Variants in PTPRD observed in about 807,000 individuals in gnomAD.
PTPRD encodes protein tyrosine phosphatase receptor type D.
PTPRD carries 34 observed loss-of-function variants against 214.5 expected under a neutral mutation model. That is an observed-to-expected ratio of 0.16 (90% confidence interval 0.12 to 0.21). The LOEUF (loss-of-function observed/expected upper bound fraction) is 0.21, where lower values mean the gene tolerates loss of function less well. Ranked by LOEUF, PTPRD falls within the 10% of genes least tolerant of loss-of-function variation. PTPRD has a pLI of 1.00. For missense variants in PTPRD, 2,545 were observed against 2,398.7 expected (o/e 1.06, Z -1.27); for synonymous variants, 1,128 against 845.7 (o/e 1.33, Z -5.79).
chr9:8,836,588 T>A (rs1454677972), intron 11 of PTPRD, among the ~76,000 whole-genome samples: 1 of 5,016 alleles, frequency 2.0e-4, no homozygotes, highest in South Asian at 3.7e-3. Context: ...AATAAAAACC[T>A]TTTTTTTTTT....
At chr9:8,933,076 G>A (rs369607294) in intron 11 of PTPRD, among the ~76,000 whole-genome samples, 24 of 152,124 alleles carry the variant, frequency 1.6e-4, no homozygotes, top group Non-Finnish European at 2.6e-4. Flanking sequence ...AGAGTGCACC[G>A]TTCCTCATGG....
In PTPRD at chr9:8,940,280, C is replaced by CCTTTGTTTTTT. The variant is rs763715400; in HGVS notation, c.-104+78416_-104+78417insAAAAAACAAAG. Among the ~76,000 whole-genome samples, 18 of 89,050 alleles carry CCTTTGTTTTTT rather than the reference C, an allele frequency of 2.0e-4. 1 individual carries two copies. Among genetic ancestry groups the CCTTTGTTTTTT allele is most frequent in the South Asian group, 4.4e-4 (1 of 2,286 alleles). 58.4% of individuals were successfully genotyped at this position (89,050 alleles called of 152,430 possible). On this transcript the variant is annotated intron_variant, in intron 11 of 45. Transcript: ENST00000381196. The stretch of plus-strand genomic sequence containing the variant: ...TCACACATCTCTCTCTCTCTCTCTC[C>CCTTTGTTTTTT]TTTTTTTTTTTTTTTTTTTTGAGAT...
At chr9:10,300,943 A>G (rs2095845214) in intron 3 of PTPRD, among the ~76,000 whole-genome samples, 1 of 152,082 alleles carries the variant, frequency 6.6e-6, no homozygotes, top group Non-Finnish European at 1.5e-5. Flanking sequence ...CCTCAAGTGG[A>G]TCATTGACCC....
At chr9:9,412,303 T>C (rs2075702137) in intron 8 of PTPRD, among the ~76,000 whole-genome samples, 1 of 152,180 alleles carries the variant, frequency 6.6e-6, no homozygotes. Context: ...AAGTGTAATA[T>C]GATACCACAC....
At chr9:10,052,403 G>C (rs185876899) in intron 3 of PTPRD, among the ~76,000 whole-genome samples, 1 of 152,262 alleles carries the variant, frequency 6.6e-6, no homozygotes, top group East Asian at 1.9e-4. Flanking sequence ...AGTTGGAATT[G>C]TGTCATTCCC....
intron 4 of PTPRD, among the ~76,000 whole-genome samples, chr9:9,941,725 A>G (rs1038996752): frequency 1.3e-5 from 2 of 152,176 alleles, no homozygotes; most frequent in Non-Finnish European, 2.9e-5. Flanking sequence ...CAACTGGTGC[A>G]TGGTGGAGAG....
rs1352152879 is a variant in PTPRD, at chr9:9,178,090, T to C, written c.-143+5214A>G. On this transcript the variant is annotated intron_variant, in intron 10 of 45. Transcript: ENST00000381196. ...ACTAAGGATAAAAAAGGCAGGTAGCTTTTGTATCAATATAAGGAAGACTTT... is the reference window on the plus strand; with the variant it reads ...ACTAAGGATAAAAAAGGCAGGTAGCCTTTGTATCAATATAAGGAAGACTTT... Among the ~76,000 whole-genome samples, 6 of 152,236 alleles carry C rather than the reference T, an allele frequency of 3.9e-5. 1 individual carries two copies. Among genetic ancestry groups the C allele is most frequent in the African/African-American group, 9.6e-5 (4 of 41,558 alleles).
chr9:9,398,174 A>ATTGTTT (rs1555353175), intron 8 of PTPRD, among the ~76,000 whole-genome samples: 2 of 146,338 alleles, frequency 1.4e-5, no homozygotes, highest in African/African-American at 2.5e-5. Flanking sequence ...CTGCCTCAAT[A>ATTGTTT]TTTTTTTCTA....
At chr9:10,166,488 T>C (rs1315511370) in intron 3 of PTPRD, among the ~76,000 whole-genome samples, 1 of 151,932 alleles carries the variant, frequency 6.6e-6, no homozygotes, top group Non-Finnish European at 1.5e-5. Flanking sequence ...TCAGGTGCAA[T>C]TCATCAACCG....
chr9:9,805,394 T>C (rs1216596982), intron 5 of PTPRD, among the ~76,000 whole-genome samples: 3 of 152,078 alleles, frequency 2.0e-5, no homozygotes, highest in Non-Finnish European at 4.4e-5. Context: ...GAAGCAACAG[T>C]ATTAGAAAAG....
At chr9:10,017,641 A>T (rs2096749386) in intron 4 of PTPRD, among the ~76,000 whole-genome samples, 1 of 152,096 alleles carries the variant, frequency 6.6e-6, no homozygotes, top group Non-Finnish European at 1.5e-5. Context: ...CCATATGAAA[A>T]ATCAATTATC....
intron 10 of PTPRD, among the ~76,000 whole-genome samples, chr9:9,058,227 A>G (rs1428200110): frequency 6.6e-6 from 1 of 152,068 alleles, no homozygotes; most frequent in African/African-American, 2.4e-5. Context: ...ATGGAGTCAC[A>G]ATTTCACCTA....
At chr9:10,044,351 T>C (rs1370471302) in intron 3 of PTPRD, among the ~76,000 whole-genome samples, 17 of 151,854 alleles carry the variant, frequency 1.1e-4, no homozygotes, top group Non-Finnish European at 1.9e-4. Context: ...TAAAAATTGT[T>C]CAGCGATGAA....
Position 10,100,131 on chromosome 9 carries a change from G to A in PTPRD, c.-544-66341C>T, listed in dbSNP as rs567841780. ...ATGCTTGTCACCTAGTTTACACCAA[G>A]TATTATTTCTTAGTTTAGACTTAAT... On this transcript the variant is annotated intron_variant, in intron 3 of 45. Coordinates refer to ENST00000381196, the MANE Select transcript of PTPRD (RefSeq NM_002839.4). 1.2e-3 allele frequency among the ~76,000 whole-genome samples: 175 copies of A among 151,678 alleles called. 1 individual carries two copies. Among genetic ancestry groups the A allele is most frequent in the African/African-American group, 4.1e-3 (168 of 41,464 alleles).
intron 5 of PTPRD, among the ~76,000 whole-genome samples, chr9:9,794,057 C>G (rs765548078): frequency 6.6e-6 from 1 of 151,816 alleles, no homozygotes; most frequent in South Asian, 2.1e-4. Context: ...TTAAAAAATA[C>G]GTGTTTGGCA....
intron 7 of PTPRD, among the ~76,000 whole-genome samples, chr9:9,632,481 T>G (rs557745292): frequency 1.3e-5 from 2 of 152,104 alleles, no homozygotes; most frequent in Non-Finnish European, 2.9e-5. Flanking sequence ...CCAAGTTAGG[T>G]AGTGGTGATG....
At chr9:9,939,650 G>C (rs533948898) in intron 4 of PTPRD, among the ~76,000 whole-genome samples, 1 of 152,072 alleles carries the variant, frequency 6.6e-6, no homozygotes, top group African/African-American at 2.4e-5. Context: ...CTGATGCCTG[G>C]TAACACCCTC....
chr9:8,420,612 G>C (rs969157653), intron 35 of PTPRD, among the ~76,000 whole-genome samples: 2 of 152,078 alleles, frequency 1.3e-5, no homozygotes, highest in Admixed American at 6.6e-5. Context: ...TGAGTACCAA[G>C]AGCAGATGAA....
At chr9:9,008,263 C>A (rs2099490633) in intron 11 of PTPRD, among the ~76,000 whole-genome samples, 2 of 136,354 alleles carry the variant, frequency 1.5e-5, no homozygotes, top group Non-Finnish European at 3.2e-5. Flanking sequence ...GAGTCTCACT[C>A]TGTTGCCCAG....
Sources: allele counts gnomAD v4.1 joint callset (sites outside exome capture counted in the v4.1 genomes callset), GRCh38; gene constraint gnomAD v4.1.1; transcripts MANE v1.5; gene names NCBI Gene and HGNC (gene_info 2026-07-23, HGNC 2026-07-21).